Variants in SCARA5 observed in about 807,000 individuals in gnomAD.
SCARA5 encodes scavenger receptor class A, member 5 (putative).
In SCARA5, 45 loss-of-function variants were observed where a neutral mutation model predicts 46.3. That is an observed-to-expected ratio of 0.97 (90% CI 0.76 to 1.24). SCARA5 has a LOEUF of 1.24. Ranked by LOEUF, SCARA5 falls within the 50% of genes most tolerant of loss-of-function variation. The pLI, the probability that SCARA5 is intolerant of heterozygous loss-of-function variation, is 0.00. For synonymous variants in SCARA5, 333 were observed against 306.5 expected, an observed-to-expected ratio of 1.09 and a Z score of -0.90; for missense variants, 680 against 689.0, an observed-to-expected ratio of 0.99 and a Z score of 0.15.
intron 8 of SCARA5, among the ~76,000 whole-genome samples, chr8:27,874,759 C>G (rs556776640): frequency 1.3e-5 from 2 of 152,296 alleles, no homozygotes; most frequent in South Asian, 4.2e-4. Flanking sequence ...CTGTTCCCAC[C>G]TACAAATCTG....
intron 3 of SCARA5, among the ~76,000 whole-genome samples, chr8:27,945,264 C>T (rs765561801): frequency 2.0e-4 from 31 of 151,866 alleles, no homozygotes; most frequent in African/African-American, 5.3e-4. Flanking sequence ...TCTCTATGAA[C>T]GTAACTTTGA....
In SCARA5 at chr8:27,936,406, T is replaced by G. The variant is rs574048934; in HGVS notation, c.242-14161A>C. ...GAGTTTGAGACCAGCCTGGTCAATATGGCGAAAACCCATCTCTACTAAAAA... is the reference window on the plus strand; with the variant it reads ...GAGTTTGAGACCAGCCTGGTCAATAGGGCGAAAACCCATCTCTACTAAAAA... On this transcript the variant is annotated intron_variant, in intron 3 of 8. Transcript: ENST00000354914. Among the ~76,000 whole-genome samples the G allele has an allele frequency of 4.6e-5, 7 of 151,678 alleles. No homozygotes were observed. The East Asian group carries it at 1.2e-3, about 25-fold the overall frequency.
chr8:27,968,682 T>C (rs1212166251), intron 2 of SCARA5, among the ~76,000 whole-genome samples: 2 of 152,232 alleles, frequency 1.3e-5, no homozygotes, highest in African/African-American at 4.8e-5. Context: ...TCTCCTGCTC[T>C]GAGCCCTGCT....
chr8:27,984,209 CA>C (rs1808666092), intron 2 of SCARA5, among the ~76,000 whole-genome samples: 5 of 152,106 alleles, frequency 3.3e-5, no homozygotes, highest in Admixed American at 1.3e-4. Flanking sequence ...TAAAACAGAT[CA>C]AATCTGGCTT....
At chr8:27,913,005 C>T (rs1159647463) in intron 4 of SCARA5, among the ~76,000 whole-genome samples, 4 of 152,134 alleles carry the variant, frequency 2.6e-5, no homozygotes, top group Non-Finnish European at 5.9e-5. Context: ...GGGGCCATCC[C>T]GATCACCTCA....
intron 4 of SCARA5, among the ~76,000 whole-genome samples, chr8:27,918,785 G>A (rs1684186736): frequency 6.6e-6 from 1 of 150,514 alleles, no homozygotes; most frequent in African/African-American, 2.5e-5. Flanking sequence ...GAAGGAGGAA[G>A]AGGAGAAAGA....
intron 3 of SCARA5, among the ~76,000 whole-genome samples, chr8:27,946,878 CTCGTTGAACTGAGA>C (rs1808045820): frequency 1.3e-5 from 2 of 152,122 alleles, no homozygotes; most frequent in Non-Finnish European, 2.9e-5. Flanking sequence ...TTTTAGCAAA[CTCGTTGAACTGAGA>C]TCCTGCAGAA....
At chr8:27,972,243 G>A (rs1237543845) in intron 2 of SCARA5, among the ~76,000 whole-genome samples, 1 of 152,036 alleles carries the variant, frequency 6.6e-6, no homozygotes, top group Non-Finnish European at 1.5e-5. Flanking sequence ...TTGGAACCTG[G>A]GAGGCAGAGG....
rs149555017 is a variant in SCARA5, at chr8:27,895,238, C to T, written c.1153+9540G>A. Among the ~76,000 whole-genome samples, 11 of 152,294 alleles carry T rather than the reference C, an allele frequency of 7.2e-5. No homozygotes were observed. In the East Asian group the frequency reaches 1.9e-3, roughly 27 times the overall value. ...CTAGGGATAATTCGGACCATCTGCCCATTAAGGAAGTTGAACTTTCATTCT... is the reference window on the plus strand; with the variant it reads ...CTAGGGATAATTCGGACCATCTGCCTATTAAGGAAGTTGAACTTTCATTCT... On this transcript the variant is annotated intron_variant, in intron 7 of 8. Transcript: ENST00000354914.
chr8:27,880,857 G>GAAAAAAAA (rs71222524), intron 7 of SCARA5, among the ~76,000 whole-genome samples: 9 of 94,802 alleles, frequency 9.5e-5, no homozygotes, highest in East Asian at 3.0e-4. Context: ...CCTGTCTAAG[G>GAAAAAAAA]AAAAAAAAAA....
chr8:27,966,328 G>T (rs1228359236), intron 3 of SCARA5, 86 bp downstream of exon 3: 2 of 1,370,110 alleles, frequency 1.5e-6, no homozygotes, highest in African/African-American at 1.5e-5. Flanking sequence ...CAGTGTTTGG[G>T]CTCATGACAG....
intron 4 of SCARA5, among the ~76,000 whole-genome samples, chr8:27,912,547 C>T (rs1382989982): frequency 1.3e-5 from 2 of 152,358 alleles, no homozygotes; most frequent in Non-Finnish European, 2.9e-5. Flanking sequence ...GAAGCAAATG[C>T]GTTCCACTAC....
At chr8:27,979,116 C>T (rs1320783643) in intron 2 of SCARA5, among the ~76,000 whole-genome samples, 1 of 152,142 alleles carries the variant, frequency 6.6e-6, no homozygotes, top group Non-Finnish European at 1.5e-5. Flanking sequence ...AAACTCAGAG[C>T]CTAAAGACCC....
chr8:27,940,703 C>T (rs1807929655), intron 3 of SCARA5, among the ~76,000 whole-genome samples: 1 of 145,450 alleles, frequency 6.9e-6, no homozygotes, highest in African/African-American at 2.5e-5. Context: ...TCCACCCACC[C>T]AACCATCTGC....
At chr8:27,960,965 G>T (rs1249006914) in intron 3 of SCARA5, among the ~76,000 whole-genome samples, 1 of 152,174 alleles carries the variant, frequency 6.6e-6, no homozygotes, top group African/African-American at 2.4e-5. Flanking sequence ...TGCCCAATTT[G>T]CTCACTTTAC....
intron 2 of SCARA5, among the ~76,000 whole-genome samples, chr8:27,973,442 A>T (rs1808476644): frequency 1.3e-5 from 2 of 152,118 alleles, no homozygotes; most frequent in Admixed American, 1.3e-4. Flanking sequence ...GCGCCACTAC[A>T]CTCCAGCCTG....
chr8:27,871,739 A>T lies in SCARA5; in HGVS notation c.*195T>A. 1 of 1,429,884 alleles carries T rather than the reference A, an allele frequency of 7.0e-7. No individual in the cohort carries two copies. Among genetic ancestry groups the T allele is most frequent in the Non-Finnish European group, 9.1e-7 (1 of 1,094,902 alleles). The allele number at this position is 1,429,884 out of a possible 1,614,324, so 88.6% of individuals were successfully genotyped here. On this transcript the variant is annotated 3_prime_UTR_variant, in exon 9 of 9. Coordinates refer to ENST00000354914, the MANE Select transcript of SCARA5 (RefSeq NM_173833.6). ...GAGAGAGACGGGCAGTAGGTCCCAGAGTTATACTTCGGAGCACATGTTCAA... is the reference window on the plus strand; with the variant it reads ...GAGAGAGACGGGCAGTAGGTCCCAGTGTTATACTTCGGAGCACATGTTCAA...
At chr8:27,911,730 C>T (rs138004496) in intron 4 of SCARA5, among the ~76,000 whole-genome samples, 1 of 152,086 alleles carries the variant, frequency 6.6e-6, no homozygotes, top group Non-Finnish European at 1.5e-5. Context: ...AAAGGAGGAC[C>T]ATGAAAAGTG....
intron 7 of SCARA5, among the ~76,000 whole-genome samples, chr8:27,891,426 G>C (rs1177872960): frequency 6.6e-6 from 1 of 152,026 alleles, no homozygotes; most frequent in Non-Finnish European, 1.5e-5. Context: ...GGATGGTCTC[G>C]ATCTCTTGAC....
Sources: allele counts gnomAD v4.1 joint callset (sites outside exome capture counted in the v4.1 genomes callset), GRCh38; gene constraint gnomAD v4.1.1; transcripts MANE v1.5; gene names NCBI Gene and HGNC (gene_info 2026-07-23, HGNC 2026-07-21).